KIRREL3: variants seen among roughly 807,000 people sequenced by gnomAD.
KIRREL3 encodes the protein kirre like nephrin family adhesion molecule 3.
In KIRREL3, 36 loss-of-function variants were observed where a neutral mutation model predicts 89.7. The observed-to-expected ratio is 0.40, with a 90% CI of 0.31 to 0.53. KIRREL3 has a LOEUF of 0.53. KIRREL3 is among the 20% of genes least tolerant of loss of function. The pLI is 0.49. For synonymous variants in KIRREL3, 445 were observed against 441.4 expected (o/e 1.01, Z -0.10); for missense variants, 864 against 1,056.6 (o/e 0.82, Z 2.53).
rs1957669284 is a variant in KIRREL3 at position 126,496,806 on chromosome 11, G to T, written c.434-23340C>A. On this transcript the variant is annotated intron_variant, in intron 4 of 16. Transcript: ENST00000525144. The surrounding 1 kb of genome is among the most constrained non-coding windows in gnomAD (Gnocchi z 4.9). Reference sequence around the variant, plus strand: ...CTGGGGAAGCTGGGCTCAGCCAGGGGACTGAGACATAGGTCACAAATCTAG... The same window carrying T: ...CTGGGGAAGCTGGGCTCAGCCAGGGTACTGAGACATAGGTCACAAATCTAG... Among the ~76,000 whole-genome samples, 1 of 152,152 alleles carries T rather than the reference G, an allele frequency of 6.6e-6. No individual in the cohort carries two copies. The highest frequency in any genetic ancestry group is 1.5e-5 in the Non-Finnish European group (1 of 68,032).
rs1944445517 is a variant in KIRREL3, at chr11:126,640,960, T to C, written c.56-78048A>G. On this transcript the variant is annotated intron_variant, in intron 1 of 16. Coordinates refer to ENST00000525144, the MANE Select transcript of KIRREL3 (RefSeq NM_032531.4). This position sits in a 1 kb window ranked among gnomAD's most constrained non-coding sequence, Gnocchi z 4.9. ...ACAGCCTAGACCACCCCCTAAACTC[T>C]GGACTCATCTATCCAATTGCCTAGT... Among the ~76,000 whole-genome samples, 1 of 152,158 alleles carries C rather than the reference T, an allele frequency of 6.6e-6. No individual in the cohort carries two copies. The highest frequency in any genetic ancestry group is 2.1e-4 in the South Asian group (1 of 4,824).
In KIRREL3 at chr11:126,684,966, CT is replaced by C. The variant is rs1383901033; in HGVS notation, c.56-122055del. 6.6e-6 allele frequency among the ~76,000 whole-genome samples: 1 copy of C among 152,130 alleles called. No homozygotes were observed. Among genetic ancestry groups the C allele is most frequent in the Non-Finnish European group, 1.5e-5 (1 of 68,024 alleles). On this transcript the variant is annotated intron_variant, in intron 1 of 16. Coordinates refer to ENST00000525144, the MANE Select transcript of KIRREL3 (RefSeq NM_032531.4). The surrounding 1 kb of genome is among the most constrained non-coding windows in gnomAD (Gnocchi z 4.2). The stretch of plus-strand genomic sequence containing the variant: ...CTTTTGTCCTCTTCTCTCTTCCTCT[CT>C]CCCTCATTTCTGGCTTCCCTCTTTT...
chr11:126,951,062 C>A (rs1948761198), intron 1 of KIRREL3, among the ~76,000 whole-genome samples: 1 of 152,232 alleles, frequency 6.6e-6, no homozygotes, highest in Non-Finnish European at 1.5e-5. Context: ...ATCACATCTT[C>A]CAAGCCCCTT....
intron 2 of KIRREL3, among the ~76,000 whole-genome samples, chr11:126,539,711 G>C (rs11602183): frequency 0.19 from 28,525 of 152,126 alleles, 2,910 homozygotes; most frequent in Middle Eastern, 0.24. Context: ...TGTTGATGGA[G>C]AGGGGTCCAG....
chr11:126,856,457 G>A (rs191304048), intron 1 of KIRREL3, among the ~76,000 whole-genome samples: 85 of 151,574 alleles, frequency 5.6e-4, no homozygotes, highest in African/African-American at 2.0e-3. Context: ...AGAATAATCA[G>A]ACAAGTATAA....
At position 126,653,419 on chromosome 11, in the gene KIRREL3, C is replaced by T. The variant is rs1944989439; in HGVS notation, c.56-90507G>A. Among the ~76,000 whole-genome samples the T allele has an allele frequency of 6.6e-6, 1 of 152,166 alleles. No homozygotes were observed. The highest frequency in any genetic ancestry group is 1.5e-5 in the Non-Finnish European group (1 of 68,038). On this transcript the variant is annotated intron_variant, in intron 1 of 16. Transcript: ENST00000525144. This position sits in a 1 kb window ranked among gnomAD's most constrained non-coding sequence, Gnocchi z 5.4. Reference sequence around the variant, plus strand: ...CCTTGTGGGGAATCACTCTCTAGCGCCTCACCGTCTTTGCTGTAAGATGGA... The same window carrying T: ...CCTTGTGGGGAATCACTCTCTAGCGTCTCACCGTCTTTGCTGTAAGATGGA...
chr11:126,838,660 A>G (rs1383611235), intron 1 of KIRREL3, among the ~76,000 whole-genome samples: 3 of 152,226 alleles, frequency 2.0e-5, no homozygotes, highest in Non-Finnish European at 4.4e-5. Flanking sequence ...ATTTTTGCAT[A>G]TAGATGTATA....
intron 1 of KIRREL3, among the ~76,000 whole-genome samples, chr11:126,698,394 C>T (rs566662213): frequency 3.9e-5 from 6 of 152,230 alleles, no homozygotes; most frequent in African/African-American, 1.2e-4. Context: ...TCTCTCCAAA[C>T]GCTATTATGA....
intron 5 of KIRREL3, among the ~76,000 whole-genome samples, chr11:126,472,246 C>T (rs1429875779): frequency 1.3e-5 from 2 of 152,142 alleles, no homozygotes; most frequent in African/African-American, 4.8e-5. Context: ...CTGTCTTAGC[C>T]CAGCTGGGCT....
At chr11:126,745,151 G>A (rs1247495349) in intron 1 of KIRREL3, among the ~76,000 whole-genome samples, 2 of 152,010 alleles carry the variant, frequency 1.3e-5, no homozygotes, top group African/African-American at 2.4e-5. Flanking sequence ...CTAGTCTCCC[G>A]GCCACACATA....
intron 1 of KIRREL3, among the ~76,000 whole-genome samples, chr11:126,992,701 C>A (rs1950068589): frequency 6.6e-6 from 1 of 152,184 alleles, no homozygotes; most frequent in Admixed American, 6.5e-5. Context: ...ACATCATCAG[C>A]AAAATGTCCC....
chr11:126,966,780 G>A (rs1395225003), intron 1 of KIRREL3, among the ~76,000 whole-genome samples: 1 of 152,122 alleles, frequency 6.6e-6, no homozygotes, highest in African/African-American at 2.4e-5. Context: ...TTTCTCATCT[G>A]TAAAATGGGA....
rs552357367 is a variant in KIRREL3, at chr11:126,791,045, T to C, written c.55+209410A>G. On this transcript the variant is annotated intron_variant, in intron 1 of 16. Coordinates refer to ENST00000525144, the MANE Select transcript of KIRREL3 (RefSeq NM_032531.4). The surrounding 1 kb of genome is among the most constrained non-coding windows in gnomAD (Gnocchi z 4.8). The stretch of plus-strand genomic sequence containing the variant: ...AGAATGCAAATGAGCATGATGTCAC[T>C]TCTTAGCTTTGGGAGGAAAAAATGA... 5.3e-5 allele frequency among the ~76,000 whole-genome samples: 8 copies of C among 152,342 alleles called. No individual in the cohort carries two copies. The South Asian group carries it at 1.7e-3, about 32-fold the overall frequency.
At chr11:126,929,024 G>C (rs528422207) in intron 1 of KIRREL3, among the ~76,000 whole-genome samples, 1 of 152,302 alleles carries the variant, frequency 6.6e-6, no homozygotes, top group Admixed American at 6.5e-5. Flanking sequence ...GAGATAGAAA[G>C]ACAGAGGTCA....
rs1957981921 is a variant in KIRREL3, at chr11:126,505,184, G to A, written c.433+16131C>T. On this transcript the variant is annotated intron_variant, in intron 4 of 16. Transcript: ENST00000525144. ...CAATAAGACAAAAATGCATTAGGTT[G>A]GAAAAGACAAAGTAAAACTATCTTT... Among the ~76,000 whole-genome samples, 3 of 152,176 alleles carry A rather than the reference G, an allele frequency of 2.0e-5. No individual in the cohort carries two copies. In the South Asian group the frequency reaches 6.2e-4, roughly 31 times the overall value.
At chr11:126,695,496 A>G (rs946917951) in intron 1 of KIRREL3, among the ~76,000 whole-genome samples, 4 of 149,898 alleles carry the variant, frequency 2.7e-5, no homozygotes, top group Non-Finnish European at 5.9e-5. Flanking sequence ...AGTCCCTGCC[A>G]CATTTCCCAA....
intron 1 of KIRREL3, among the ~76,000 whole-genome samples, chr11:126,650,267 T>A (rs993592538): frequency 2.6e-5 from 4 of 152,250 alleles, no homozygotes; most frequent in African/African-American, 9.6e-5. Context: ...ATCGTGGGGA[T>A]TAACATTCGA....
At chr11:126,505,915 A>T (rs1157520987) in intron 4 of KIRREL3, among the ~76,000 whole-genome samples, 3 of 152,220 alleles carry the variant, frequency 2.0e-5, no homozygotes, top group African/African-American at 7.2e-5. Context: ...TCCTATCAAA[A>T]TTCCAGCAAC....
intron 1 of KIRREL3, among the ~76,000 whole-genome samples, chr11:126,929,801 C>G (rs192068634): frequency 6.6e-6 from 1 of 152,256 alleles, no homozygotes; most frequent in African/African-American, 2.4e-5. Context: ...AGCGATTCCA[C>G]GCTAAACATA....
Sources: gnomAD v4.1 joint callset for allele counts (sites outside exome capture counted in the v4.1 genomes callset) on GRCh38, gnomAD v4.1.1 for gene constraint, Gnocchi (gnomAD v3.1) non-coding constraint, MANE v1.5 for transcripts, NCBI Gene and HGNC (gene_info 2026-07-23, HGNC 2026-07-21) for gene names.